OTOA: variants seen among roughly 807,000 people sequenced by gnomAD.
OTOA encodes the protein cancer/testis antigen 108.
In OTOA, 70 loss-of-function variants were observed where a neutral mutation model predicts 110.8. The ratio of observed to expected loss-of-function variants is 0.63; its 90% confidence interval spans 0.52 to 0.77. OTOA has a LOEUF of 0.77. OTOA is among the 30% of genes least tolerant of loss of function. The pLI is 0.00. For synonymous variants in OTOA, 373 were observed against 431.5 expected (o/e 0.86, Z 1.68); for missense variants, 917 against 1,075.8 (o/e 0.85, Z 2.06).
At chr16:21,706,482 T>C (rs1318171634) in intron 12 of OTOA, among the ~76,000 whole-genome samples, 2 of 152,196 alleles carry the variant, frequency 1.3e-5, no homozygotes, top group Non-Finnish European at 2.9e-5. Flanking sequence ...CTGATTTTAA[T>C]GCTTCTCAGG....
At chr16:21,683,543 C>T (rs1385178288) in intron 6 of OTOA, among the ~76,000 whole-genome samples, 1 of 151,736 alleles carries the variant, frequency 6.6e-6, no homozygotes, top group Non-Finnish European at 1.5e-5. Flanking sequence ...AACAAACAAA[C>T]AAACAAACAA....
chr16:21,702,699 C>T lies in OTOA; in HGVS notation c.980+1672C>T, dbSNP rs547693749. ...CTTTTTATTTATTTATTTATTGAGA[C>T]GGAGTCTCACTCTGTCGCCAGGCTG... On this transcript the variant is annotated intron_variant, in intron 11 of 28. Coordinates refer to ENST00000646100, the MANE Select transcript of OTOA (RefSeq NM_144672.4). Among the ~76,000 whole-genome samples, 48 of 152,210 alleles carry T rather than the reference C, an allele frequency of 3.2e-4. No homozygotes were observed. The Middle Eastern group carries it at 0.01, about 32-fold the overall frequency.
At chr16:21,732,064 C>T (rs1899133076) in intron 21 of OTOA, among the ~76,000 whole-genome samples, 1 of 151,980 alleles carries the variant, frequency 6.6e-6, no homozygotes, top group Non-Finnish European at 1.5e-5. Context: ...TTCCTGGGTT[C>T]AAGTGATTCT....
chr16:21,716,987 A>C lies in OTOA; in HGVS notation c.1569A>C (p.Leu523Phe). The C allele has an allele frequency of 6.2e-7, 1 of 1,614,070 alleles. No homozygotes were observed. The highest frequency in any genetic ancestry group is 8.5e-7 in the Non-Finnish European group (1 of 1,180,004). ...AFFKEVSLFD[L>F]RRQPGFNSTV... Reference sequence around the variant, plus strand: ...TTAAGGAAGTGTCTCTCTTTGATTTAAGGAGGCAACCTGGATTCAACTCTA... The same window carrying C: ...TTAAGGAAGTGTCTCTCTTTGATTTCAGGAGGCAACCTGGATTCAACTCTA... Residue 523 changes from leucine (L) to phenylalanine (F), a missense_variant, in exon 15 of 29, where the codon TTA becomes TTC. Leu to Phe is a conservative substitution (Grantham distance 22). Coordinates refer to ENST00000646100, the MANE Select transcript of OTOA (RefSeq NM_144672.4).
At chr16:21,711,085 A>G (rs113501257) in intron 13 of OTOA, among the ~76,000 whole-genome samples, 3,309 of 152,310 alleles carry the variant, frequency 0.022, 54 homozygotes, top group Non-Finnish European at 0.032. Context: ...GTTGGTACAC[A>G]TGAAGAAGCT....
chr16:21,682,601 G>A (rs747167230), intron 6 of OTOA, among the ~76,000 whole-genome samples: 3 of 152,184 alleles, frequency 2.0e-5, no homozygotes, highest in Non-Finnish European at 2.9e-5. Context: ...TGGTGACTGC[G>A]GTGAACTGCA....
At chr16:21,676,333 T>C (rs192185971) in intron 1 of OTOA, among the ~76,000 whole-genome samples, 13 of 152,296 alleles carry the variant, frequency 8.5e-5, no homozygotes, top group African/African-American at 3.1e-4. Flanking sequence ...GGTTTTATGA[T>C]ACTGCTTTAA....
intron 18 of OTOA, among the ~76,000 whole-genome samples, chr16:21,723,753 G>A (rs141762111): frequency 1.1e-4 from 17 of 152,276 alleles, no homozygotes; most frequent in African/African-American, 4.1e-4. Flanking sequence ...TCTTGTCCCA[G>A]CTTTTCTCTG....
intron 1 of OTOA, among the ~76,000 whole-genome samples, chr16:21,675,001 T>G (rs1470416594): frequency 6.7e-6 from 1 of 148,768 alleles, no homozygotes; most frequent in African/African-American, 2.5e-5. Flanking sequence ...TTCTTGGATC[T>G]GTGGATCTGT....
chr16:21,704,016 C>T (rs928252800), intron 11 of OTOA, among the ~76,000 whole-genome samples: 3 of 152,110 alleles, frequency 2.0e-5, no homozygotes, highest in Admixed American at 1.3e-4. Context: ...CACTGCAGAA[C>T]TGTGTATAGC....
intron 18 of OTOA, among the ~76,000 whole-genome samples, chr16:21,723,553 C>A (rs1438514198): frequency 6.6e-6 from 1 of 151,944 alleles, no homozygotes; most frequent in Non-Finnish European, 1.5e-5. Context: ...ACCTTATAAT[C>A]TCATGGTGGG....
Position 21,710,058 on chromosome 16 carries a change from G to A in OTOA, c.1275G>A (p.Lys425=). ...STLNQVSGWA[K]SQVIILSAKY... ...TCAACCAGGTCTCAGGTTGGGCCAA[G>A]AGCCAGGTCATCATCTTGTCTGCCA... Residue 425 remains lysine (K), a synonymous_variant, in exon 13 of 29, where the codon AAG becomes AAA. Coordinates refer to ENST00000646100, the MANE Select transcript of OTOA (RefSeq NM_144672.4). The A allele has an allele frequency of 6.2e-7, 1 of 1,614,040 alleles. No homozygotes were observed. The highest frequency in any genetic ancestry group is 8.5e-7 in the Non-Finnish European group (1 of 1,179,994).
At chr16:21,686,134 GAC>G (rs1897706868) in intron 7 of OTOA, among the ~76,000 whole-genome samples, 1 of 152,074 alleles carries the variant, frequency 6.6e-6, no homozygotes, top group Non-Finnish European at 1.5e-5. Context: ...ATTTGCTCAG[GAC>G]ACACAGATAA....
intron 13 of OTOA, among the ~76,000 whole-genome samples, chr16:21,711,099 C>T (rs1898340277): frequency 6.6e-6 from 1 of 152,228 alleles, no homozygotes; most frequent in Non-Finnish European, 1.5e-5. Flanking sequence ...AGAAGCTAGA[C>T]CACCAGGTGA....
intron 11 of OTOA, among the ~76,000 whole-genome samples, chr16:21,701,725 C>A (rs758487743): frequency 6.6e-6 from 1 of 152,048 alleles, no homozygotes; most frequent in African/African-American, 2.4e-5. Flanking sequence ...TTCAAGCAAT[C>A]CTCATGCCTC....
rs148846980 is a variant in OTOA at position 21,705,679 on chromosome 16, G to T, written c.1104+387G>T. On this transcript the variant is annotated intron_variant, in intron 12 of 28. Coordinates refer to ENST00000646100, the MANE Select transcript of OTOA (RefSeq NM_144672.4). Reference sequence around the variant, plus strand: ...TACAAAAAAATGGCTGGGCACGGTGGTTCACACCTGTAATCCCAGCACTTT... The same window carrying T: ...TACAAAAAAATGGCTGGGCACGGTGTTTCACACCTGTAATCCCAGCACTTT... Among the ~76,000 whole-genome samples, 255 of 152,280 alleles carry T rather than the reference G, an allele frequency of 1.7e-3. 1 individual carries two copies. Among genetic ancestry groups the T allele is most frequent in the African/African-American group, 5.8e-3 (242 of 41,560 alleles).
Position 21,697,790 on chromosome 16 carries a change from G to A in OTOA, c.755G>A (p.Trp252Ter), listed in dbSNP as rs879255431. The A allele has an allele frequency of 4.3e-6, 7 of 1,613,924 alleles. No homozygotes were observed. The highest frequency in any genetic ancestry group is 2.7e-5 in the African/African-American group (2 of 74,882). Residue 252 changes from tryptophan to a stop codon, truncating the protein, a stop_gained, in exon 10 of 29, where the codon TGG becomes TAG. Transcript: ENST00000646100. LOFTEE classifies it high-confidence loss of function. ...SSNATDDSASWVSAEHLWVLG... is the reference protein window; with the variant it reads ...SSNATDDSAS ...TTTTTTGTAGATGACTCTGCTTCATGGGTCAGTGCGGAACACTTATGGGTT... is the reference window on the plus strand; with the variant it reads ...TTTTTTGTAGATGACTCTGCTTCATAGGTCAGTGCGGAACACTTATGGGTT...
At chr16:21,691,812 C>CA in intron 9 of OTOA, 125 bp downstream of exon 9, 1 of 845,850 alleles carries the variant, frequency 1.2e-6, no homozygotes, top group African/African-American at 1.7e-5. Context: ...CCCACTGCTT[C>CA]GAAAAACAGT....
rs947010526 is a variant in OTOA at position 21,687,340 on chromosome 16, G to A, written c.400-73G>A. 6.6e-6 allele frequency: 8 copies of A among 1,209,942 alleles called. No homozygotes were observed. In the African/African-American group the frequency reaches 1.0e-4, roughly 16 times the overall value. The allele number at this position is 1,209,942 out of a possible 1,614,324, so 75.0% of individuals were successfully genotyped here. ...TCCTGACTTTCCCCACTGTTGCAAT[G>A]TGTGGTCCCTCCCAGGGCTTCCAAA... On this transcript the variant is annotated intron_variant, in intron 7 of 28. Transcript: ENST00000646100.
Sources: gnomAD v4.1 joint callset for allele counts (sites outside exome capture counted in the v4.1 genomes callset) on GRCh38, gnomAD v4.1.1 for gene constraint, MANE v1.5 for transcripts, NCBI Gene and HGNC (gene_info 2026-07-23, HGNC 2026-07-21) for gene names.